The following GNB1L variants were observed in gnomAD, a reference collection of about 807,000 sequenced individuals.
GNB1L encodes the protein guanine nucleotide-binding protein subunit beta-like protein 1.
GNB1L carries 20 observed loss-of-function variants against 29.1 expected under a neutral mutation model. The observed-to-expected ratio is 0.69, with a 90% CI of 0.48 to 1.00. The LOEUF (loss-of-function observed/expected upper bound fraction) is 1.00, where lower values mean the gene tolerates loss of function less well. Among genes scored for constraint, GNB1L ranks in the 50% least tolerant of loss-of-function variants. The pLI is 0.00. For synonymous variants in GNB1L, 193 were observed against 206.5 expected (o/e 0.93, Z 0.56); for missense variants, 421 against 464.9 (o/e 0.91, Z 0.87).
chr22:19,836,998 G>A (rs1014952609), intron 2 of GNB1L, among the ~76,000 whole-genome samples: 6 of 146,616 alleles, frequency 4.1e-5, no homozygotes, highest in African/African-American at 1.0e-4. Context: ...ATGGAGTCTC[G>A]CTCTGTTGCC....
intron 4 of GNB1L, among the ~76,000 whole-genome samples, chr22:19,817,904 C>A (rs1342109763): frequency 6.6e-6 from 1 of 152,222 alleles, no homozygotes; most frequent in Non-Finnish European, 1.5e-5. Context: ...TTAAAAAACA[C>A]CCTGCCGAGG....
intron 2 of GNB1L, among the ~76,000 whole-genome samples, chr22:19,837,622 C>CT (rs1329279714): frequency 3.3e-5 from 5 of 152,220 alleles, no homozygotes; most frequent in Admixed American, 6.5e-5. Flanking sequence ...AATTGAAACT[C>CT]TCATACGCTG....
At chr22:19,797,963 G>A (rs560911922) in intron 7 of GNB1L, among the ~76,000 whole-genome samples, 8 of 152,280 alleles carry the variant, frequency 5.3e-5, no homozygotes, top group South Asian at 2.1e-4. Context: ...GGGTCTCGGC[G>A]GTATCCTGCC....
At chr22:19,839,112 T>C (rs2145895272) in intron 2 of GNB1L, among the ~76,000 whole-genome samples, 1 of 152,138 alleles carries the variant, frequency 6.6e-6, no homozygotes, top group East Asian at 1.9e-4. Flanking sequence ...GACAGACCAG[T>C]GACTGTCATG....
At position 19,784,973 on chromosome 22, in the gene GNB1L, G is replaced by A. The variant is rs1455551182; in HGVS notation, c.*3736C>T. 3 of 152,292 alleles carry A rather than the reference G, an allele frequency of 2.0e-5. No homozygotes were observed. Among genetic ancestry groups the A allele is most frequent in the East Asian group, 1.9e-4 (1 of 5,202 alleles). 9.4% of individuals were successfully genotyped at this position (152,292 alleles called of 1,614,324 possible). On this transcript the variant is annotated 3_prime_UTR_variant, in exon 8 of 8. Transcript: ENST00000329517. ...GCCCAGGGCTGGGGCTCACAGCCAC[G>A]AGAATCTGGATTTGAACAGAAAAAG...
At chr22:19,841,136 C>G (rs1399530587) in intron 2 of GNB1L, among the ~76,000 whole-genome samples, 2 of 152,186 alleles carry the variant, frequency 1.3e-5, no homozygotes, top group Non-Finnish European at 2.9e-5. Flanking sequence ...GGACTTTGGT[C>G]ACTAACAATG....
At chr22:19,792,555 GA>G in intron 7 of GNB1L, 1 of 1,571,988 alleles carries the variant, frequency 6.4e-7, no homozygotes, top group Non-Finnish European at 8.7e-7. Flanking sequence ...CTAGGCCCTG[GA>G]CTGCCAAACA....
At position 19,806,574 on chromosome 22, in the gene GNB1L, G is replaced by A. The variant is rs573044188; in HGVS notation, c.516+85C>T. 141 of 840,504 alleles carry A rather than the reference G, an allele frequency of 1.7e-4. 1 individual carries two copies. The highest frequency in any genetic ancestry group is 7.3e-4 in the Admixed American group (31 of 42,360). 52.1% of individuals were successfully genotyped at this position (840,504 alleles called of 1,614,324 possible). On this transcript the variant is annotated intron_variant, in intron 6 of 7. Coordinates refer to ENST00000329517, the MANE Select transcript of GNB1L (RefSeq NM_053004.3). ...GGGTGGGGTGTTGCCTGAGTGGCTC[G>A]ACGATAAATCAGATCCTGAATGGAG... is the stretch of plus-strand genomic sequence containing the variant.
In GNB1L at chr22:19,812,351, C is replaced by T. The variant is rs774676651; in HGVS notation, c.351G>A (p.Arg117=). ...GCTGGCCCCCGGCCAGGATGCTGCTCCGGCAGAAGCCCACACTCTCCAAGC... is the reference window on the plus strand; with the variant it reads ...GCTGGCCCCCGGCCAGGATGCTGCTTCGGCAGAAGCCCACACTCTCCAAGC... ...SVCLESVGFC[R]SSILAGGQPR... Residue 117 remains arginine (R), a synonymous_variant, in exon 5 of 8, where the codon CGG becomes CGA. Coordinates refer to ENST00000329517, the MANE Select transcript of GNB1L (RefSeq NM_053004.3). 1 of 1,613,194 alleles carries T rather than the reference C, an allele frequency of 6.2e-7. No individual in the cohort carries two copies. Among genetic ancestry groups the T allele is most frequent in the South Asian group, 1.1e-5 (1 of 91,076 alleles).
chr22:19,841,549 A>T (rs1401111302), intron 2 of GNB1L, among the ~76,000 whole-genome samples: 2 of 152,126 alleles, frequency 1.3e-5, no homozygotes, highest in Non-Finnish European at 2.9e-5. Context: ...AAGCAGGAGG[A>T]GAGGATCACT....
intron 2 of GNB1L, among the ~76,000 whole-genome samples, chr22:19,844,097 G>T (rs1937910578): frequency 6.6e-6 from 1 of 152,192 alleles, no homozygotes; most frequent in Non-Finnish European, 1.5e-5. Flanking sequence ...GGCCTGCAGT[G>T]AGCCAGGTGG....
chr22:19,824,145 A>C (rs1161501101), intron 2 of GNB1L, among the ~76,000 whole-genome samples: 1 of 152,284 alleles, frequency 6.6e-6, no homozygotes, highest in East Asian at 1.9e-4. Flanking sequence ...ATGCATCGGC[A>C]ATTAAGGGCT....
chr22:19,802,697 C>G (rs1368877424), intron 6 of GNB1L, among the ~76,000 whole-genome samples: 7 of 152,352 alleles, frequency 4.6e-5, no homozygotes, highest in Non-Finnish European at 2.9e-5. Context: ...GGTCACCTGT[C>G]TAGAGCCGCC....
chr22:19,820,555 T>TC (rs755584139), intron 4 of GNB1L, 43 bp downstream of exon 4: 4 of 1,582,864 alleles, frequency 2.5e-6, no homozygotes, highest in Non-Finnish European at 2.6e-6. Context: ...AGTTCCTGAC[T>TC]CCCCCGAAGG....
chr22:19,792,758 G>A, intron 7 of GNB1L: 1 of 1,499,310 alleles, frequency 6.7e-7, no homozygotes, highest in Middle Eastern at 2.3e-4. Flanking sequence ...CTCAGCTGGT[G>A]GTGATTGCAG....
intron 7 of GNB1L, among the ~76,000 whole-genome samples, chr22:19,790,462 C>T (rs1156400978): frequency 3.9e-5 from 6 of 152,116 alleles, no homozygotes; most frequent in Admixed American, 3.9e-4. Flanking sequence ...TCTCCCACCT[C>T]ACTGTAGGTG....
At chr22:19,852,965 G>A (rs2145908241) in intron 2 of GNB1L, among the ~76,000 whole-genome samples, 1 of 152,252 alleles carries the variant, frequency 6.6e-6, no homozygotes, top group South Asian at 2.1e-4. Context: ...TGCTGAGTAG[G>A]CTCTAGCCGC....
chr22:19,826,989 G>T (rs2145886715), intron 2 of GNB1L, among the ~76,000 whole-genome samples: 1 of 152,220 alleles, frequency 6.6e-6, no homozygotes, highest in Non-Finnish European at 1.5e-5. Flanking sequence ...CACATTAAGA[G>T]ACCAAAGGGG....
In GNB1L at chr22:19,783,284, C is replaced by T. The variant is rs1937159932; in HGVS notation, c.*5425G>A. On this transcript the variant is annotated 3_prime_UTR_variant, in exon 8 of 8. Transcript: ENST00000329517. ...ATGGCACCAGGATGAGGCCAAATGA[C>T]TCGATTTCTCTACACCCCACATTTT... 3 of 470,882 alleles carry T rather than the reference C, an allele frequency of 6.4e-6. No individual in the cohort carries two copies. The highest frequency in any genetic ancestry group is 2.0e-5 in the South Asian group (1 of 48,930). 29.2% of individuals were successfully genotyped at this position (470,882 alleles called of 1,614,324 possible).
Sources: gnomAD v4.1 joint callset for allele counts (sites outside exome capture counted in the v4.1 genomes callset) on GRCh38, gnomAD v4.1.1 for gene constraint, MANE v1.5 for transcripts, NCBI Gene and HGNC (gene_info 2026-07-23, HGNC 2026-07-21) for gene names.